EYS: variants seen among roughly 807,000 people sequenced by gnomAD.
The protein encoded by EYS is EGF-like photoreceptor maintenance factor, also known as protein eyes shut homolog.
In EYS, 250 loss-of-function variants were observed where a neutral mutation model predicts 282.1. That is an observed-to-expected ratio of 0.89 (90% CI 0.80 to 0.98). The LOEUF is 0.98. EYS is among the 50% of genes least tolerant of loss of function. The pLI is 0.00. For missense variants in EYS, 4,016 were observed against 3,709.0 expected, an observed-to-expected ratio of 1.08 and a Z score of -2.15; for synonymous variants, 1,355 against 1,282.9, an observed-to-expected ratio of 1.06 and a Z score of -1.20.
At chr6:65,417,358 T>TGC (rs1358833230) in intron 5 of EYS, among the ~76,000 whole-genome samples, 1 of 152,072 alleles carries the variant, frequency 6.6e-6, no homozygotes, top group Non-Finnish European at 1.5e-5. Flanking sequence ...TAATTCAGTT[T>TGC]TGGCCATGCA....
chr6:64,536,011 A>G (rs534942360), intron 26 of EYS, among the ~76,000 whole-genome samples: 3 of 152,088 alleles, frequency 2.0e-5, no homozygotes, highest in South Asian at 2.1e-4. Context: ...GTTTTATTAG[A>G]CTCTGATGAG....
chr6:64,495,206 A>G (rs2150508245), intron 26 of EYS, among the ~76,000 whole-genome samples: 1 of 151,830 alleles, frequency 6.6e-6, no homozygotes, highest in South Asian at 2.1e-4. Flanking sequence ...GTTGGTGGGA[A>G]TGTAATATCC....
At chr6:65,412,624 A>G (rs899267943) in intron 5 of EYS, among the ~76,000 whole-genome samples, 2 of 151,986 alleles carry the variant, frequency 1.3e-5, no homozygotes, top group African/African-American at 4.8e-5. Flanking sequence ...TGCTATCCTT[A>G]TAGCTTCTTC....
chr6:63,732,276 A>C (rs1192346403), intron 41 of EYS, among the ~76,000 whole-genome samples: 2 of 152,166 alleles, frequency 1.3e-5, no homozygotes, highest in African/African-American at 4.8e-5. Flanking sequence ...TGTTTTGAGA[A>C]GATGCTCAAT....
chr6:64,243,487 T>G (rs9344916), intron 30 of EYS, among the ~76,000 whole-genome samples: 88,052 of 151,998 alleles, frequency 0.58, 26,901 homozygotes, highest in Non-Finnish European at 0.68. Context: ...TGAGGTCCCC[T>G]TGGGTGTCAC....
chr6:65,225,325 G>A lies in EYS; in HGVS notation c.2023+70538C>T, dbSNP rs546097739. Among the ~76,000 whole-genome samples the A allele has an allele frequency of 5.3e-5, 8 of 150,418 alleles. No individual in the cohort carries two copies. In the South Asian group the frequency reaches 1.7e-3, roughly 31 times the overall value. On this transcript the variant is annotated intron_variant, in intron 12 of 42. Coordinates refer to ENST00000503581, the MANE Select transcript of EYS (RefSeq NM_001142800.2). Reference sequence around the variant, plus strand: ...TATATAATTATAATTATATAGTATAGCAAATATAAAGCAGCATATTAAAAA... The same window carrying A: ...TATATAATTATAATTATATAGTATAACAAATATAAAGCAGCATATTAAAAA...
chr6:63,857,035 A>C (rs80205647), intron 36 of EYS, among the ~76,000 whole-genome samples: 2,483 of 152,310 alleles, frequency 0.016, 51 homozygotes, highest in South Asian at 0.093. Context: ...AGCAAAATAA[A>C]TTATTTCTGT....
intron 36 of EYS, among the ~76,000 whole-genome samples, chr6:63,851,407 G>A (rs927622102): frequency 1.3e-5 from 2 of 152,024 alleles, no homozygotes; most frequent in Non-Finnish European, 2.9e-5. Flanking sequence ...TTCTAAAATT[G>A]ACACATAATT....
intron 29 of EYS, among the ~76,000 whole-genome samples, chr6:64,354,764 T>C (rs1771766176): frequency 6.6e-6 from 1 of 151,584 alleles, no homozygotes; most frequent in Admixed American, 6.6e-5. Context: ...TGCATATGTA[T>C]GAATATATGA....
chr6:63,936,305 C>T (rs1197688850), intron 35 of EYS, among the ~76,000 whole-genome samples: 4 of 152,186 alleles, frequency 2.6e-5, no homozygotes, highest in African/African-American at 7.2e-5. Context: ...TTTAAAAATT[C>T]ACTTGTCTCA....
intron 22 of EYS, among the ~76,000 whole-genome samples, chr6:64,675,134 G>A (rs547026266): frequency 1.3e-5 from 2 of 152,114 alleles, no homozygotes; most frequent in Admixed American, 6.5e-5. Flanking sequence ...TAAGCTTTAA[G>A]CATTTTTGGC....
intron 14 of EYS, among the ~76,000 whole-genome samples, chr6:64,979,034 C>G (rs1480336603): frequency 2.0e-5 from 3 of 151,938 alleles, no homozygotes; most frequent in East Asian, 3.9e-4. Context: ...GTTGATAAAA[C>G]AGTGGCAGGA....
chr6:65,432,372 G>A (rs1767918619), intron 5 of EYS, among the ~76,000 whole-genome samples: 1 of 151,800 alleles, frequency 6.6e-6, no homozygotes, highest in African/African-American at 2.4e-5. Flanking sequence ...TACATACATA[G>A]GTACATACGT....
At chr6:64,033,748 C>T (rs923496290) in intron 33 of EYS, among the ~76,000 whole-genome samples, 1 of 151,902 alleles carries the variant, frequency 6.6e-6, no homozygotes, top group Non-Finnish European at 1.5e-5. Flanking sequence ...AGAACTTCCC[C>T]ATTCAAACTA....
intron 12 of EYS, among the ~76,000 whole-genome samples, chr6:65,223,884 C>T (rs1223234755): frequency 1.3e-5 from 2 of 152,242 alleles, no homozygotes; most frequent in Non-Finnish European, 2.9e-5. Context: ...GCTTTCCTGT[C>T]TTGGAGTACC....
At chr6:65,546,543 T>C (rs967164675) in intron 2 of EYS, among the ~76,000 whole-genome samples, 11 of 148,104 alleles carry the variant, frequency 7.4e-5, no homozygotes, top group Non-Finnish European at 1.5e-4. Context: ...CATTCATTTG[T>C]ATTTTTTTAT....
At chr6:64,275,328 A>G (rs1768073728) in intron 30 of EYS, among the ~76,000 whole-genome samples, 1 of 152,206 alleles carries the variant, frequency 6.6e-6, no homozygotes, top group Non-Finnish European at 1.5e-5. Flanking sequence ...TGGAGTATGC[A>G]TAAGTCTGTA....
rs1048741296 is a variant in EYS, at chr6:65,316,482, A to T, written c.1766+18498T>A. ...TTTCTTTTTTAATCGTCAACTTTTT[A>T]AAAAAATTATTTTTATACTTTAAGT... is the stretch of plus-strand genomic sequence containing the variant. On this transcript the variant is annotated intron_variant, in intron 11 of 42. Coordinates refer to ENST00000503581, the MANE Select transcript of EYS (RefSeq NM_001142800.2). Among the ~76,000 whole-genome samples the T allele has an allele frequency of 4.5e-4, 67 of 149,342 alleles. 3 individuals are homozygous for T. Among genetic ancestry groups the T allele is most frequent in the South Asian group, 6.5e-4 (3 of 4,636 alleles).
chr6:65,456,440 C>T (rs1764621315), intron 5 of EYS, among the ~76,000 whole-genome samples: 1 of 140,500 alleles, frequency 7.1e-6, no homozygotes, highest in African/African-American at 2.6e-5. Context: ...CAGAGTGAGA[C>T]TCTGTCTCAA....
Sources: gnomAD v4.1 joint callset for allele counts (sites outside exome capture counted in the v4.1 genomes callset) on GRCh38, gnomAD v4.1.1 for gene constraint, MANE v1.5 for transcripts, NCBI Gene and HGNC (gene_info 2026-07-23, HGNC 2026-07-21) for gene names.